The following HAAO variants were observed in gnomAD, a reference collection of about 807,000 sequenced individuals.
HAAO encodes 3-hydroxyanthranilate oxygenase.
Under a neutral mutation model 46.2 loss-of-function variants are expected in HAAO, and 49 were observed. The ratio of observed to expected loss-of-function variants is 1.06; its 90% CI spans 0.84 to 1.34. The LOEUF (loss-of-function observed/expected upper bound fraction) is 1.34. Among genes scored for constraint, HAAO ranks in the 40% most tolerant of loss-of-function variants. The pLI is 0.00. For synonymous variants in HAAO, 157 were observed against 145.2 expected (o/e 1.08, Z -0.58); for missense variants, 408 against 364.5 (o/e 1.12, Z -0.97).
chr2:42,771,445 A>T (rs1671108862), intron 4 of HAAO, among the ~76,000 whole-genome samples: 2 of 54,912 alleles, frequency 3.6e-5, no homozygotes, highest in South Asian at 6.4e-4. Flanking sequence ...ATAAATAAGT[A>T]AAAAAAAAAA....
intron 2 of HAAO, 150 bp from the exon 3 acceptor site, chr2:42,784,017 C>T (rs1672211401): frequency 1.4e-6 from 2 of 1,416,338 alleles, no homozygotes; most frequent in African/African-American, 1.4e-5. Context: ...TGTCCTGAGG[C>T]CTGTCTCCCC....
intron 4 of HAAO, among the ~76,000 whole-genome samples, chr2:42,773,941 A>G (rs2104645742): frequency 6.6e-6 from 1 of 152,282 alleles, no homozygotes; most frequent in South Asian, 2.1e-4. Context: ...AGATAAATGC[A>G]TATCTGATTG....
At chr2:42,773,186 A>G (rs891301994) in intron 4 of HAAO, among the ~76,000 whole-genome samples, 5 of 152,240 alleles carry the variant, frequency 3.3e-5, no homozygotes, top group African/African-American at 1.2e-4. Context: ...TGCCAGATCT[A>G]GCAAGTAACA....
intron 4 of HAAO, among the ~76,000 whole-genome samples, chr2:42,774,954 C>A (rs895818592): frequency 6.6e-6 from 1 of 151,774 alleles, no homozygotes; most frequent in African/African-American, 2.4e-5. Flanking sequence ...CCAACACACA[C>A]ACACACGAAA....
At chr2:42,773,479 A>C (rs1002911426) in intron 4 of HAAO, among the ~76,000 whole-genome samples, 2 of 149,490 alleles carry the variant, frequency 1.3e-5, no homozygotes, top group Non-Finnish European at 3.0e-5. Flanking sequence ...TCCACATCTC[A>C]CCCCTCCCAG....
chr2:42,788,577 G>T lies in HAAO; in HGVS notation c.111C>A (p.Ile37=), dbSNP rs114894333. Residue 37 remains isoleucine, a synonymous_variant, in exon 2 of 10, where the codon ATC becomes ATA. Transcript: ENST00000294973. ...AGTCCTTCCTGGTGTTGGGGCCTCC[G>T]ATGAACATGACTTTGAGCTGCTCCT... ...MHQEQLKVMF[I]GGPNTRKDYH... is the part of the protein sequence containing the mutation. 6.2e-6 allele frequency: 10 copies of T among 1,604,510 alleles called. No individual in the cohort carries two copies. In the African/African-American group the frequency reaches 9.4e-5, roughly 15 times the overall value.
chr2:42,790,506 G>A (rs560880904), intron 1 of HAAO, among the ~76,000 whole-genome samples: 1 of 141,284 alleles, frequency 7.1e-6, no homozygotes, highest in African/African-American at 2.7e-5. Context: ...CTTGGCCTAA[G>A]GGGTGCTGGG....
chr2:42,784,655 C>T (rs13016201), intron 2 of HAAO, among the ~76,000 whole-genome samples: 17,807 of 152,182 alleles, frequency 0.12, 1,327 homozygotes, highest in Middle Eastern at 0.17. Flanking sequence ...CTCCACCAGT[C>T]ACACATTGCC....
At chr2:42,789,801 A>G (rs3772061) in intron 1 of HAAO, among the ~76,000 whole-genome samples, 121,630 of 152,102 alleles carry the variant, frequency 0.8, 49,012 homozygotes, top group Middle Eastern at 0.93. Context: ...CTTTTTATGC[A>G]AAAAATACCT....
chr2:42,782,794 T>C (rs1672103109), intron 4 of HAAO: 1 of 370,788 alleles, frequency 2.7e-6, no homozygotes, highest in Non-Finnish European at 5.5e-6. Flanking sequence ...CTTCCCACTT[T>C]GAGTCTTCCC....
At position 42,769,770 on chromosome 2, in the gene HAAO, GT is replaced by G. The variant is rs1219687612; in HGVS notation, c.572del (p.His191ProfsTer21). 1.2e-6 allele frequency: 2 copies of G among 1,613,936 alleles called. No homozygotes were observed. Among genetic ancestry groups the G allele is most frequent in the Admixed American group, 3.3e-5 (2 of 59,976 alleles). ...MSLDAWLDSH[H>X]RELQAGTPLS... ...GTGGTGTGCCTGCCTGCAGCTCCCT[GT>G]GGTGGCTGTCCAGCCAGGCATCCAG... On this transcript the variant is annotated frameshift_variant, in exon 7 of 10. Coordinates refer to ENST00000294973, the MANE Select transcript of HAAO (RefSeq NM_012205.3). LOFTEE classifies it high-confidence loss of function.
chr2:42,782,585 G>A (rs746944265), intron 4 of HAAO, among the ~76,000 whole-genome samples: 2 of 152,194 alleles, frequency 1.3e-5, no homozygotes, highest in African/African-American at 2.4e-5. Flanking sequence ...AAAATATCTT[G>A]GGCCCCCAAA....
intron 2 of HAAO, among the ~76,000 whole-genome samples, chr2:42,784,636 C>T (rs1254425408): frequency 1.3e-5 from 2 of 152,006 alleles, no homozygotes; most frequent in Admixed American, 6.6e-5. Context: ...GGAGGCAGAC[C>T]GGTTTTCTCT....
Position 42,770,487 on chromosome 2 carries a change from G to T in HAAO, c.440+6C>A. The T allele has an allele frequency of 6.5e-7, 1 of 1,538,804 alleles. No individual in the cohort carries two copies. Among genetic ancestry groups the T allele is most frequent in the Non-Finnish European group, 8.8e-7 (1 of 1,137,262 alleles). ...GCAAGAGGCAGGGGCTGGGCTGGGG[G>T]CTCACTCCTGGATGATGGGGGCCAA... On this transcript the variant is annotated splice_donor_region_variant and intron_variant, in intron 5 of 9. Coordinates refer to ENST00000294973, the MANE Select transcript of HAAO (RefSeq NM_012205.3).
intron 4 of HAAO, among the ~76,000 whole-genome samples, chr2:42,773,919 C>T (rs1343639710): frequency 6.6e-6 from 1 of 152,138 alleles, no homozygotes; most frequent in African/African-American, 2.4e-5. Context: ...CAAAGTGCCC[C>T]TCTGCTCACT....
chr2:42,767,312 C>T lies in HAAO; in HGVS notation c.*125G>A. The T allele has an allele frequency of 1.4e-6, 1 of 716,912 alleles. No homozygotes were observed. Among genetic ancestry groups the T allele is most frequent in the South Asian group, 1.6e-5 (1 of 63,718 alleles). 44.4% of individuals were successfully genotyped at this position (716,912 alleles called of 1,614,324 possible). A position where few individuals can be genotyped will look rare whatever the true frequency, so the allele number is the denominator to read the frequency against. Reference sequence around the variant, plus strand: ...CAGGAGGGTGGGTGACAACAATGTGCAGGTCTGTGGGGGACACAGCGGCAG... The same window carrying T: ...CAGGAGGGTGGGTGACAACAATGTGTAGGTCTGTGGGGGACACAGCGGCAG... On this transcript the variant is annotated 3_prime_UTR_variant, in exon 10 of 10. Coordinates refer to ENST00000294973, the MANE Select transcript of HAAO (RefSeq NM_012205.3).
chr2:42,770,495 C>G lies in HAAO; in HGVS notation c.438G>C (p.Gln146His), dbSNP rs961684946. 1 of 1,548,330 alleles carries G rather than the reference C, an allele frequency of 6.5e-7. No homozygotes were observed. Among genetic ancestry groups the G allele is most frequent in the African/African-American group, 1.4e-5 (1 of 73,040 alleles). ...CAGGGGCTGGGCTGGGGGCTCACTC[C>G]TGGATGATGGGGGCCAACTGCGTGC... is the stretch of plus-strand genomic sequence containing the variant. The part of the protein sequence containing the change: ...DLGTQLAPII[Q>H]EFFSSEQYRT... Residue 146 changes from glutamine (Q) to histidine (H), a missense_variant and splice_region_variant, in exon 5 of 10, where the codon CAG becomes CAC. By Grantham distance (24) the Gln-to-His change is conservative. Coordinates refer to ENST00000294973, the MANE Select transcript of HAAO (RefSeq NM_012205.3).
At position 42,791,871 on chromosome 2, in the gene HAAO, G is replaced by A. The variant is rs1672824354; in HGVS notation, c.80+586C>T. 2.6e-5 allele frequency among the ~76,000 whole-genome samples: 4 copies of A among 151,796 alleles called. No individual in the cohort carries two copies. The South Asian group carries it at 8.4e-4, about 32-fold the overall frequency. On this transcript the variant is annotated intron_variant, in intron 1 of 9. Coordinates refer to ENST00000294973, the MANE Select transcript of HAAO (RefSeq NM_012205.3). ...GGCAGCTGGATGGCCAACCCTGTTG[G>A]GTGCTGCAGGCAGAGGCTACTGGCA...
chr2:42,772,951 A>C (rs921262705), intron 4 of HAAO, among the ~76,000 whole-genome samples: 6 of 151,694 alleles, frequency 4.0e-5, no homozygotes, highest in Admixed American at 1.3e-4. Context: ...AAAAAAAAAA[A>C]AAACCCAACC....
Sources: allele counts gnomAD v4.1 joint callset (sites outside exome capture counted in the v4.1 genomes callset), GRCh38; gene constraint gnomAD v4.1.1; transcripts MANE v1.5; gene names NCBI Gene and HGNC (gene_info 2026-07-23, HGNC 2026-07-21).